The following MACROD2 variants were observed in gnomAD, a reference collection of about 807,000 sequenced individuals.
The protein encoded by MACROD2 is ADP-ribose glycohydrolase MACROD2.
In MACROD2, 36 loss-of-function variants were observed where a neutral mutation model predicts 70.4. The observed-to-expected ratio is 0.51, with a 90% confidence interval of 0.39 to 0.68. MACROD2 has a LOEUF of 0.68. Ranked by LOEUF, MACROD2 falls within the 30% of genes least tolerant of loss-of-function variation. The pLI is 0.00. For missense variants in MACROD2, 496 were observed against 538.4 expected (o/e 0.92, Z 0.78); for synonymous variants, 172 against 178.8 (o/e 0.96, Z 0.30).
chr20:14,853,921 T>G (rs1012927290), intron 5 of MACROD2, among the ~76,000 whole-genome samples: 2 of 152,192 alleles, frequency 1.3e-5, no homozygotes, highest in Non-Finnish European at 2.9e-5. Context: ...TATAGTTACA[T>G]GGACCCTACT....
intron 3 of MACROD2, among the ~76,000 whole-genome samples, chr20:14,487,668 G>A (rs945100160): frequency 6.6e-6 from 1 of 152,064 alleles, no homozygotes; most frequent in African/African-American, 2.4e-5. Context: ...CAGGAATCAT[G>A]CATTGTACCA....
chr20:14,264,021 AC>A (rs920866644), intron 3 of MACROD2, among the ~76,000 whole-genome samples: 134 of 132,394 alleles, frequency 1.0e-3, no homozygotes, highest in Middle Eastern at 4.0e-3. Flanking sequence ...ACACACACAC[AC>A]ACACAACACA....
chr20:15,652,266 A>G (rs530293847), intron 8 of MACROD2, among the ~76,000 whole-genome samples: 2 of 152,300 alleles, frequency 1.3e-5, no homozygotes, highest in South Asian at 4.1e-4. Flanking sequence ...TAAATTCCAA[A>G]TATGAGTTTA....
chr20:14,643,882 A>C (rs1181917477), intron 4 of MACROD2, among the ~76,000 whole-genome samples: 1 of 152,166 alleles, frequency 6.6e-6, no homozygotes, highest in Non-Finnish European at 1.5e-5. Context: ...GGATAGTTGG[A>C]TGCCTGGGTG....
intron 8 of MACROD2, among the ~76,000 whole-genome samples, chr20:15,631,692 A>G (rs1323150680): frequency 6.6e-6 from 1 of 152,328 alleles, no homozygotes; most frequent in East Asian, 1.9e-4. Flanking sequence ...AAAAAGCACC[A>G]AGAGTGGCTG....
At chr20:14,133,956 G>A (rs1204444748) in intron 3 of MACROD2, among the ~76,000 whole-genome samples, 1 of 152,202 alleles carries the variant, frequency 6.6e-6, no homozygotes, top group Non-Finnish European at 1.5e-5. Flanking sequence ...ATCTATTTTG[G>A]CCCAGCTAGA....
chr20:15,889,180 A>T (rs1036743315), intron 10 of MACROD2, among the ~76,000 whole-genome samples: 1 of 152,158 alleles, frequency 6.6e-6, no homozygotes. Flanking sequence ...CACAAATACC[A>T]TGGTCTTTTT....
At chr20:15,542,934 T>C (rs1418406624) in intron 8 of MACROD2, among the ~76,000 whole-genome samples, 1 of 152,176 alleles carries the variant, frequency 6.6e-6, no homozygotes, top group Admixed American at 6.5e-5. Flanking sequence ...CTTCCGAGTC[T>C]ACCCCACTGG....
At chr20:15,259,818 T>C (rs886233596) in intron 6 of MACROD2, among the ~76,000 whole-genome samples, 2 of 151,870 alleles carry the variant, frequency 1.3e-5, no homozygotes, top group African/African-American at 4.8e-5. Flanking sequence ...AGATATGAAA[T>C]GAAATCTGGG....
chr20:15,382,941 T>TA (rs1217563059), intron 6 of MACROD2, among the ~76,000 whole-genome samples: 6 of 152,126 alleles, frequency 3.9e-5, no homozygotes, highest in African/African-American at 1.4e-4. Flanking sequence ...ATACTGCAAA[T>TA]ATGTAAGAGC....
At chr20:15,599,691 G>A (rs2048793133) in intron 8 of MACROD2, among the ~76,000 whole-genome samples, 1 of 152,164 alleles carries the variant, frequency 6.6e-6, no homozygotes, top group East Asian at 1.9e-4. Flanking sequence ...AATAGTGTAG[G>A]AACCAATATG....
intron 4 of MACROD2, among the ~76,000 whole-genome samples, chr20:14,528,908 C>G (rs1281664249): frequency 6.6e-6 from 1 of 152,130 alleles, no homozygotes; most frequent in Non-Finnish European, 1.5e-5. Context: ...GAGGCTGGGT[C>G]TTATGTAATA....
At chr20:15,222,604 A>G (rs2076871533) in intron 5 of MACROD2, among the ~76,000 whole-genome samples, 2 of 152,322 alleles carry the variant, frequency 1.3e-5, no homozygotes, top group South Asian at 4.1e-4. Flanking sequence ...GATATGATTG[A>G]CAAGGCACAG....
intron 6 of MACROD2, among the ~76,000 whole-genome samples, chr20:15,256,453 A>G (rs936144727): frequency 5.3e-5 from 8 of 152,046 alleles, no homozygotes; most frequent in African/African-American, 1.9e-4. Flanking sequence ...AAGCAAGTTT[A>G]AAATATACAA....
rs78446866 is a variant in MACROD2, at chr20:15,663,197, A to G, written c.645+163350A>G. ...GGATGAATGAGATCTCAGCAATGCC[A>G]GATGTTTCTGTTTCTCAAGAGAAGT... On this transcript the variant is annotated intron_variant, in intron 8 of 17. Coordinates refer to ENST00000684519, the MANE Select transcript of MACROD2 (RefSeq NM_001351661.2). 3.1e-3 allele frequency among the ~76,000 whole-genome samples: 465 copies of G among 151,470 alleles called. 22 individuals carry two copies. In the East Asian group the frequency reaches 0.081, roughly 26 times the overall value.
intron 8 of MACROD2, among the ~76,000 whole-genome samples, chr20:15,657,942 G>T (rs1286925699): frequency 6.6e-6 from 1 of 152,142 alleles, no homozygotes; most frequent in Non-Finnish European, 1.5e-5. Context: ...ACCGTGAGCC[G>T]AGACTGAGCC....
intron 3 of MACROD2, among the ~76,000 whole-genome samples, chr20:14,142,671 G>A (rs1290587568): frequency 6.6e-6 from 1 of 152,124 alleles, no homozygotes; most frequent in Non-Finnish European, 1.5e-5. Context: ...ACTTGCCACT[G>A]CCTTTAGTAC....
At chr20:14,053,743 A>G (rs902654811) in intron 2 of MACROD2, 1 of 152,124 alleles carries the variant, frequency 6.6e-6, no homozygotes, top group Non-Finnish European at 1.5e-5. Flanking sequence ...TCCCATAGAT[A>G]GCGTGATGGA....
intron 3 of MACROD2, among the ~76,000 whole-genome samples, chr20:14,245,915 A>G (rs1439273574): frequency 1.3e-5 from 2 of 152,142 alleles, no homozygotes; most frequent in African/African-American, 4.8e-5. Context: ...AAGGGCTATT[A>G]TCTCAGGTTC....
Sources: allele counts gnomAD v4.1 joint callset (sites outside exome capture counted in the v4.1 genomes callset), GRCh38; gene constraint gnomAD v4.1.1; transcripts MANE v1.5; gene names NCBI Gene and HGNC (gene_info 2026-07-23, HGNC 2026-07-21).